The following ZNF91 variants were observed in gnomAD, a reference collection of about 807,000 sequenced individuals.
The protein encoded by ZNF91 is zinc finger protein 91 (HPF7, HTF10).
ZNF91 carries 7 observed loss-of-function variants against 12.6 expected under a neutral mutation model. That is an observed-to-expected ratio of 0.55 (90% CI 0.31 to 1.04). The LOEUF (loss-of-function observed/expected upper bound fraction) is 1.04, where lower values mean the gene tolerates loss of function less well. ZNF91 is among the 50% of genes least tolerant of loss of function. The pLI, the probability that ZNF91 is intolerant of heterozygous loss-of-function variation, is 0.05. For missense variants in ZNF91, 1,217 were observed against 1,385.4 expected, an observed-to-expected ratio of 0.88 and a Z score of 1.93; for synonymous variants, 453 against 462.6, an observed-to-expected ratio of 0.98 and a Z score of 0.27.
At chr19:23,354,912 G>T (rs1000357636), downstream of ZNF91, among the ~76,000 whole-genome samples, 1 of 152,034 alleles carries the variant, frequency 6.6e-6, no homozygotes, top group Non-Finnish European at 1.5e-5. Context: ...CGAAGGAGTC[G>T]AAAGACCTGT....
chr19:23,352,872 T>G (rs570360970), downstream of ZNF91, among the ~76,000 whole-genome samples: 1 of 152,230 alleles, frequency 6.6e-6, no homozygotes. Flanking sequence ...AGGGACATTA[T>G]GTAATGGTAA....
At chr19:23,357,593 T>C (rs1968524321), downstream of ZNF91, 1 of 152,216 alleles carries the variant, frequency 6.6e-6, no homozygotes, top group Admixed American at 6.5e-5. Context: ...TAACTCTATG[T>C]AAATCAATAC....
At chr19:23,365,571 C>CT (rs370180013) in intron 3 of ZNF91, among the ~76,000 whole-genome samples, 74,123 of 145,468 alleles carry the variant, frequency 0.51, 19,258 homozygotes, top group Middle Eastern at 0.62. Context: ...ATATAGAAGT[C>CT]TTTTTTTTTT....
intron 3 of ZNF91, among the ~76,000 whole-genome samples, chr19:23,305,815 G>A (rs1599675660): frequency 6.6e-6 from 1 of 152,328 alleles, no homozygotes; most frequent in Non-Finnish European, 1.5e-5. Flanking sequence ...GCAAGGTCCA[G>A]AAATGTTAAC....
At chr19:23,368,101 G>A (rs1048836433) in intron 3 of ZNF91, among the ~76,000 whole-genome samples, 1 of 151,974 alleles carries the variant, frequency 6.6e-6, no homozygotes, top group Non-Finnish European at 1.5e-5. Context: ...GTAGAGACAG[G>A]GTTTCACCAT....
chr19:23,384,797 C>T, intron 1 of ZNF91: 1 of 676,932 alleles, frequency 1.5e-6, no homozygotes, highest in Non-Finnish European at 2.7e-6. Context: ...GCCAACAGCA[C>T]CTCAGACTCT....
intron 1 of ZNF91, among the ~76,000 whole-genome samples, chr19:23,321,162 C>T (rs1967686116): frequency 2.0e-5 from 3 of 152,108 alleles, no homozygotes; most frequent in Non-Finnish European, 4.4e-5. Context: ...GTGACATACG[C>T]CTCAGCCAAA....
At chr19:23,332,218 T>C (rs1299498318) in intron 1 of ZNF91, among the ~76,000 whole-genome samples, 1 of 152,146 alleles carries the variant, frequency 6.6e-6, no homozygotes, top group Non-Finnish European at 1.5e-5. Flanking sequence ...TAATCAAAAG[T>C]TGAACTTTAA....
downstream of ZNF91, among the ~76,000 whole-genome samples, chr19:23,335,916 G>A (rs1220570795): frequency 6.6e-5 from 10 of 152,278 alleles, no homozygotes; most frequent in African/African-American, 1.9e-4. Flanking sequence ...GCTGGGAGCC[G>A]TAGACTGGAG....
chr19:23,363,232 GGT>G (rs1420194036), intron 3 of ZNF91, among the ~76,000 whole-genome samples: 1 of 152,116 alleles, frequency 6.6e-6, no homozygotes, highest in Non-Finnish European at 1.5e-5. Context: ...TTAAAAGAAA[GGT>G]AAAATAGTAG....
At chr19:23,355,660 A>T (rs1279693325), downstream of ZNF91, among the ~76,000 whole-genome samples, 1 of 152,232 alleles carries the variant, frequency 6.6e-6, no homozygotes, top group Admixed American at 6.5e-5. Flanking sequence ...AGCAGAGTAA[A>T]CAGACAACTC....
Position 23,374,700 on chromosome 19 carries a change from G to A in ZNF91, c.95C>T (p.Thr32Ile), listed in dbSNP as rs141062920. The change falls in exon 2 of 4, where the codon ACT becomes ATT. Residue 32 changes from threonine to isoleucine, a missense_variant. By Grantham distance (89) the Thr-to-Ile change is moderately conservative (BLOSUM62 -1). Transcript: ENST00000300619. ...ATTCCTATATAAATTCTGCTGTGCA[G>A]TGTCCAGACATTGCCACTCCTCCGG... The part of the protein sequence containing the change: ...FSPEEWQCLD[T>I]AQQNLYRNVM... 0.056 allele frequency: 90,582 copies of A among 1,612,590 alleles called. 3,089 individuals carry two copies. The highest frequency in any genetic ancestry group is 0.11 in the East Asian group (5,034 of 44,806).
chr19:23,323,626 T>C (rs1967763084), intron 1 of ZNF91, among the ~76,000 whole-genome samples: 1 of 145,430 alleles, frequency 6.9e-6, no homozygotes, highest in Non-Finnish European at 1.5e-5. Context: ...CTCTTCTCCT[T>C]TCTCCTCCTC....
intron 1 of ZNF91, among the ~76,000 whole-genome samples, chr19:23,384,167 T>A (rs1260506526): frequency 6.6e-6 from 1 of 152,154 alleles, no homozygotes; most frequent in Non-Finnish European, 1.5e-5. Context: ...GGTCAAACTA[T>A]CCCTGTTTGC....
upstream of ZNF91, among the ~76,000 whole-genome samples, chr19:23,312,077 T>C (rs1967481025): frequency 6.6e-6 from 1 of 152,102 alleles, no homozygotes; most frequent in African/African-American, 2.4e-5. Flanking sequence ...ACCATATCCC[T>C]GGCTGAAAAC....
downstream of ZNF91, among the ~76,000 whole-genome samples, chr19:23,357,171 G>A (rs372547545): frequency 1.1e-4 from 16 of 152,142 alleles, no homozygotes; most frequent in East Asian, 5.8e-4. Context: ...AGGTTGCAGT[G>A]AGCCCAGATT....
At chr19:23,350,962 C>T (rs987736634) in intron 3 of ZNF91, among the ~76,000 whole-genome samples, 4 of 152,100 alleles carry the variant, frequency 2.6e-5, no homozygotes, top group African/African-American at 4.8e-5. Context: ...TCTGTTGGCA[C>T]GCTCTCAGGG....
In ZNF91 at chr19:23,362,185, A is replaced by G. The variant is rs1292807618; in HGVS notation, c.794T>C (p.Ile265Thr). 1.2e-6 allele frequency: 2 copies of G among 1,611,654 alleles called. No individual in the cohort carries two copies. The highest frequency in any genetic ancestry group is 1.3e-5 in the African/African-American group (1 of 74,392). The change falls in exon 4 of 4, where the codon ATC (isoleucine) becomes ACC (threonine). Residue 265 changes from isoleucine (I) to threonine (T), a missense_variant. Around this residue, in one of 2 missense-constraint regions of ZNF91, gnomAD observed 726 missense variants for 895.5 expected, o/e 0.81. Coordinates refer to ENST00000300619, the MANE Select transcript of ZNF91 (RefSeq NM_003430.4). ...TTTGCCACATTCTTCACACTTGTAG[A>G]TTTTCTCTTTAGCACAGATTATTTT... ...THKIICAKEK[I>T]YKCEECGKAF...
chr19:23,328,053 T>C (rs1229825723), intron 1 of ZNF91: 1 of 145,336 alleles, frequency 6.9e-6, no homozygotes, highest in Non-Finnish European at 1.6e-5. Flanking sequence ...ACCATTCCCA[T>C]TTTTTTTTTT....
Sources: gnomAD v4.1 joint callset for allele counts (sites outside exome capture counted in the v4.1 genomes callset) on GRCh38, gnomAD v4.1.1 for gene constraint, gnomAD v4.1.1 regional missense constraint, MANE v1.5 for transcripts, NCBI Gene and HGNC (gene_info 2026-07-23, HGNC 2026-07-21) for gene names.